The following HYAL4 variants were observed in gnomAD, a reference collection of about 807,000 sequenced individuals.
HYAL4 encodes hyaluronidase 4, also known as hyaluronidase-4.
In HYAL4, 37 loss-of-function variants were observed where a neutral mutation model predicts 35.2. The observed-to-expected ratio is 1.05, with a 90% confidence interval of 0.81 to 1.38. The LOEUF is 1.38. HYAL4 is among the 40% of genes most tolerant of loss of function. The pLI, the probability that HYAL4 is intolerant of heterozygous loss-of-function variation, is 0.00. For missense variants in HYAL4, 572 were observed against 572.4 expected (o/e 1.00, Z 0.01); for synonymous variants, 198 against 203.2 (o/e 0.97, Z 0.22).
chr7:123,813,855 G>C, the HYAL4 span, among the ~76,000 whole-genome samples: 1 of 152,132 alleles, frequency 6.6e-6, no homozygotes, highest in Non-Finnish European at 1.5e-5. Context: ...AGAAGGTTTG[G>C]GTTAGCGTAT....
At chr7:123,808,144 C>T in the HYAL4 span, among the ~76,000 whole-genome samples, 1 of 151,710 alleles carries the variant, frequency 6.6e-6, no homozygotes, top group South Asian at 2.1e-4. Flanking sequence ...CTTGGAATGC[C>T]TGATAATACA....
intron 1 of HYAL4, among the ~76,000 whole-genome samples, chr7:123,831,448 G>T (rs1805881584): frequency 6.6e-6 from 1 of 152,100 alleles, no homozygotes; most frequent in African/African-American, 2.4e-5. Context: ...ACTCTTTTTT[G>T]TGTGTAATAT....
intron 4 of HYAL4, 31 bp downstream of exon 4, chr7:123,874,881 G>A (rs976089425): frequency 8.1e-7 from 1 of 1,231,284 alleles, no homozygotes. Flanking sequence ...TATATTTAAT[G>A]TTTTCTATTA....
chr7:123,835,742 C>T (rs938386391), intron 1 of HYAL4, among the ~76,000 whole-genome samples: 3 of 152,072 alleles, frequency 2.0e-5, no homozygotes, highest in Non-Finnish European at 4.4e-5. Context: ...TTAGCACTGC[C>T]TTTGCTGTAT....
chr7:123,835,912 A>G (rs1010343041), intron 1 of HYAL4, among the ~76,000 whole-genome samples: 4 of 152,102 alleles, frequency 2.6e-5, no homozygotes, highest in African/African-American at 9.7e-5. Flanking sequence ...GTTGATTTCC[A>G]GTTTTATTCC....
the HYAL4 span, among the ~76,000 whole-genome samples, chr7:123,781,551 C>T: frequency 2.6e-5 from 4 of 151,478 alleles, no homozygotes; most frequent in East Asian, 2.0e-4. Flanking sequence ...CCAAATCTCT[C>T]GTCCCACCTT....
the HYAL4 span, among the ~76,000 whole-genome samples, chr7:123,791,474 A>T: frequency 3.2e-4 from 48 of 152,226 alleles, no homozygotes; most frequent in Admixed American, 9.8e-4. Flanking sequence ...ATCATAACTT[A>T]TCAGGGTCAA....
chr7:123,772,000 G>C, the HYAL4 span, among the ~76,000 whole-genome samples: 17 of 152,032 alleles, frequency 1.1e-4, no homozygotes, highest in Non-Finnish European at 1.6e-4. Context: ...ACATCACCTT[G>C]TCTTCTCCAG....
At chr7:123,820,835 A>G in the HYAL4 span, among the ~76,000 whole-genome samples, 2 of 152,162 alleles carry the variant, frequency 1.3e-5, no homozygotes, top group African/African-American at 4.8e-5. Flanking sequence ...CCTTACAACT[A>G]TTACTGTGTT....
At chr7:123,769,850 A>G in the HYAL4 span, among the ~76,000 whole-genome samples, 1 of 152,096 alleles carries the variant, frequency 6.6e-6, no homozygotes, top group Non-Finnish European at 1.5e-5. Context: ...CGTTAAACAA[A>G]AAGTTGACCA....
the HYAL4 span, among the ~76,000 whole-genome samples, chr7:123,809,263 C>G: frequency 1.3e-5 from 2 of 152,194 alleles, no homozygotes. Flanking sequence ...AGAGAATCCC[C>G]TAGATCAAAT....
the HYAL4 span, among the ~76,000 whole-genome samples, chr7:123,792,150 G>A: frequency 1.5e-5 from 2 of 131,724 alleles, no homozygotes; most frequent in African/African-American, 5.5e-5. Context: ...AAGAAAATAG[G>A]GGGAAAAAAA....
At chr7:123,775,386 G>A in the HYAL4 span, among the ~76,000 whole-genome samples, 669 of 152,022 alleles carry the variant, frequency 4.4e-3, 8 homozygotes, top group African/African-American at 0.015. Context: ...CTGTGATTAC[G>A]CCATGGCACT....
At chr7:123,841,203 G>A (rs551414263), upstream of HYAL4, among the ~76,000 whole-genome samples, 54 of 152,110 alleles carry the variant, frequency 3.6e-4, 1 homozygote, top group Non-Finnish European at 3.7e-4. Flanking sequence ...ATGAAGGGCT[G>A]TTGAATTTTG....
At chr7:123,858,346 C>T (rs10276917) in intron 2 of HYAL4, among the ~76,000 whole-genome samples, 20,966 of 151,952 alleles carry the variant, frequency 0.14, 1,521 homozygotes, top group African/African-American at 0.16. Context: ...TCAAGTTTAA[C>T]GAAGATTGAC....
chr7:123,851,793 C>G (rs1053472081), intron 2 of HYAL4, among the ~76,000 whole-genome samples: 1 of 152,158 alleles, frequency 6.6e-6, no homozygotes, highest in Admixed American at 6.5e-5. Context: ...ATTTCTGGTT[C>G]TAGATCCTTG....
the HYAL4 span, among the ~76,000 whole-genome samples, chr7:123,813,589 G>A: frequency 6.6e-6 from 1 of 152,096 alleles, no homozygotes; most frequent in African/African-American, 2.4e-5. Flanking sequence ...TAGTTCCAAG[G>A]GTAACTGCTC....
At chr7:123,850,614 T>TA (rs1281605545) in intron 2 of HYAL4, among the ~76,000 whole-genome samples, 1 of 152,180 alleles carries the variant, frequency 6.6e-6, no homozygotes, top group Non-Finnish European at 1.5e-5. Context: ...CAGACCGAAG[T>TA]CTCTTTACCT....
At chr7:123,783,932 G>A in the HYAL4 span, among the ~76,000 whole-genome samples, 1 of 152,284 alleles carries the variant, frequency 6.6e-6, no homozygotes, top group South Asian at 2.1e-4. Flanking sequence ...ATAGCTTTTG[G>A]TCACTCCCTT....
Sources: gnomAD v4.1 joint callset for allele counts (sites outside exome capture counted in the v4.1 genomes callset) on GRCh38, gnomAD v4.1.1 for gene constraint, MANE v1.5 for transcripts, NCBI Gene and HGNC (gene_info 2026-07-23, HGNC 2026-07-21) for gene names.